Variants in VEGFC observed in about 807,000 individuals in gnomAD.
VEGFC encodes FLT4 ligand DHM.
A neutral mutation model predicts 46.1 loss-of-function variants in VEGFC; 12 were observed. The observed-to-expected ratio is 0.26, with a 90% CI of 0.17 to 0.42. VEGFC has a LOEUF of 0.42. Ranked by LOEUF, VEGFC falls within the 10% of genes least tolerant of loss-of-function variation. The pLI, the probability that VEGFC is intolerant of heterozygous loss-of-function variation, is 1.00. For synonymous variants in VEGFC, 232 were observed against 195.5 expected (o/e 1.19, Z -1.56); for missense variants, 488 against 529.4 (o/e 0.92, Z 0.77).
chr4:176,697,048 C>T (rs1734328492), intron 4 of VEGFC, among the ~76,000 whole-genome samples: 1 of 151,672 alleles, frequency 6.6e-6, no homozygotes, highest in Non-Finnish European at 1.5e-5. Context: ...AAAACCTAGG[C>T]ATTACCATTC....
intron 5 of VEGFC, 32 bp downstream of exon 5, chr4:176,687,789 G>T: frequency 6.9e-7 from 1 of 1,449,268 alleles, no homozygotes; most frequent in Non-Finnish European, 9.6e-7. Flanking sequence ...TAGACCCCTG[G>T]CGTTTAGTCT....
Position 176,720,679 on chromosome 4 carries a change from C to A in VEGFC, c.552+7099G>T, listed in dbSNP as rs546865936. ...ACATGGTGAAACCCCATCTCTACTA[C>A]AAATACAAAAAATTAGCCAGGTGTG... is the stretch of plus-strand genomic sequence containing the variant. On this transcript the variant is annotated intron_variant, in intron 3 of 6. Coordinates refer to ENST00000618562, the MANE Select transcript of VEGFC (RefSeq NM_005429.5). Among the ~76,000 whole-genome samples the A allele has an allele frequency of 1.6e-4, 24 of 151,300 alleles. No individual in the cohort carries two copies. The South Asian group carries it at 2.3e-3, about 15-fold the overall frequency.
At chr4:176,689,944 T>C (rs1265514598) in intron 4 of VEGFC, among the ~76,000 whole-genome samples, 1 of 152,226 alleles carries the variant, frequency 6.6e-6, no homozygotes, top group Non-Finnish European at 1.5e-5. Flanking sequence ...AGGAAATAGC[T>C]ATGTTTTGGT....
intron 1 of VEGFC, among the ~76,000 whole-genome samples, chr4:176,769,704 T>G (rs1195626879): frequency 1.3e-5 from 2 of 152,082 alleles, no homozygotes; most frequent in African/African-American, 4.8e-5. Flanking sequence ...CATGAGACAA[T>G]GCTTTAAATG....
intron 1 of VEGFC, among the ~76,000 whole-genome samples, chr4:176,786,365 C>T (rs923063818): frequency 3.3e-5 from 5 of 152,164 alleles, no homozygotes; most frequent in African/African-American, 9.7e-5. Context: ...CCCAAATATC[C>T]CTGACCTTTA....
At chr4:176,770,884 C>T (rs1254875077) in intron 1 of VEGFC, among the ~76,000 whole-genome samples, 2 of 151,798 alleles carry the variant, frequency 1.3e-5, no homozygotes, top group African/African-American at 4.8e-5. Context: ...CTGACTTGAC[C>T]TTTGAGATAC....
At position 176,687,316 on chromosome 4, in the gene VEGFC, C is replaced by A; in HGVS notation, c.1016G>T (p.Cys339Phe). Reference sequence around the variant, plus strand: ...GCAGGTTCTTTTACATACACACTGGCATGTGTTTTCATCAAATTCTCGGTT... The same window carrying A: ...GCAGGTTCTTTTACATACACACTGGAATGTGTTTTCATCAAATTCTCGGTT... ...GANREFDENT[C>F]QCVCKRTCPR... Residue 339 changes from cysteine (C) to phenylalanine (F), a missense_variant, in exon 6 of 7, where the codon TGC (cysteine) becomes TTC (phenylalanine). By Grantham distance (205) the Cys-to-Phe change is radical. Coordinates refer to ENST00000618562, the MANE Select transcript of VEGFC (RefSeq NM_005429.5). 1 of 1,614,110 alleles carries A rather than the reference C, an allele frequency of 6.2e-7. No individual in the cohort carries two copies. Among genetic ancestry groups the A allele is most frequent in the Non-Finnish European group, 8.5e-7 (1 of 1,180,012 alleles).
chr4:176,698,679 G>A (rs1734369205), intron 4 of VEGFC, among the ~76,000 whole-genome samples: 1 of 152,016 alleles, frequency 6.6e-6, no homozygotes, highest in Non-Finnish European at 1.5e-5. Flanking sequence ...TATTCACCTT[G>A]TAACTGCAAG....
chr4:176,783,616 A>C lies in VEGFC; in HGVS notation c.147+8549T>G, dbSNP rs570824355. 3.3e-5 allele frequency among the ~76,000 whole-genome samples: 5 copies of C among 152,348 alleles called. No homozygotes were observed. The East Asian group carries it at 9.6e-4, about 29-fold the overall frequency. The stretch of plus-strand genomic sequence containing the variant: ...AATGACCTAAGTATGAATGAAGCAC[A>C]TAAGGAGACAGCATCATCCCAGATT... On this transcript the variant is annotated intron_variant, in intron 1 of 6. Transcript: ENST00000618562.
chr4:176,693,312 G>A (rs1468408958), intron 4 of VEGFC, among the ~76,000 whole-genome samples: 6 of 136,508 alleles, frequency 4.4e-5, no homozygotes, highest in Non-Finnish European at 9.0e-5. Context: ...ACCAAGGCTC[G>A]AGAACTACGT....
chr4:176,790,572 C>T (rs1005029130), intron 1 of VEGFC, among the ~76,000 whole-genome samples: 1 of 152,098 alleles, frequency 6.6e-6, no homozygotes, highest in Admixed American at 6.6e-5. Flanking sequence ...TAATTCTAGA[C>T]TCACCCAGCA....
intron 1 of VEGFC, among the ~76,000 whole-genome samples, chr4:176,765,524 T>C (rs1418076296): frequency 2.7e-5 from 4 of 150,546 alleles, no homozygotes; most frequent in Non-Finnish European, 4.4e-5. Context: ...TACACCATAA[T>C]AGAACTACTG....
chr4:176,692,663 C>T (rs1358545699), intron 4 of VEGFC, among the ~76,000 whole-genome samples: 1 of 147,506 alleles, frequency 6.8e-6, no homozygotes, highest in Admixed American at 6.7e-5. Flanking sequence ...TAGGCTCCAC[C>T]TCTGGGGGCA....
At chr4:176,692,412 A>T (rs1201396491) in intron 4 of VEGFC, among the ~76,000 whole-genome samples, 6 of 132,592 alleles carry the variant, frequency 4.5e-5, no homozygotes, top group Non-Finnish European at 4.6e-5. Flanking sequence ...ACAAACAAAC[A>T]AACAAAAAAA....
intron 1 of VEGFC, among the ~76,000 whole-genome samples, chr4:176,731,487 A>G (rs1734964104): frequency 6.6e-6 from 1 of 152,000 alleles, no homozygotes; most frequent in South Asian, 2.1e-4. Flanking sequence ...AATGTTGGAA[A>G]AAAAACAGTG....
intron 1 of VEGFC, among the ~76,000 whole-genome samples, chr4:176,736,995 A>T (rs1735067143): frequency 2.0e-5 from 3 of 151,130 alleles, no homozygotes; most frequent in African/African-American, 7.3e-5. Context: ...TTTTTATTTT[A>T]AGTATTCTTA....
chr4:176,777,810 T>G (rs1735839303), intron 1 of VEGFC, among the ~76,000 whole-genome samples: 2 of 148,948 alleles, frequency 1.3e-5, no homozygotes, highest in African/African-American at 4.9e-5. Context: ...TCCCTGCTAC[T>G]CGGGAGGCTG....
intron 1 of VEGFC, among the ~76,000 whole-genome samples, chr4:176,789,020 C>G (rs1736047675): frequency 1.3e-5 from 2 of 152,168 alleles, no homozygotes; most frequent in South Asian, 4.1e-4. Context: ...CTCCTACTCT[C>G]AATAACAACC....
intron 1 of VEGFC, among the ~76,000 whole-genome samples, chr4:176,783,074 A>AT (rs1426785915): frequency 1.4e-4 from 22 of 152,322 alleles, no homozygotes; most frequent in Middle Eastern, 3.4e-3. Flanking sequence ...TGACTGGCAA[A>AT]TTGACAAAGA....
Sources: gnomAD v4.1 joint callset for allele counts (sites outside exome capture counted in the v4.1 genomes callset) on GRCh38, gnomAD v4.1.1 for gene constraint, MANE v1.5 for transcripts, NCBI Gene and HGNC (gene_info 2026-07-23, HGNC 2026-07-21) for gene names.